The following MIOS variants were observed in gnomAD, a reference collection of about 807,000 sequenced individuals.
The protein encoded by MIOS is GATOR2 complex protein MIOS.
Under a neutral mutation model 96.9 loss-of-function variants are expected in MIOS, and 52 were observed. The observed-to-expected ratio is 0.54, with a 90% CI of 0.43 to 0.68. MIOS has a LOEUF of 0.68. Among genes scored for constraint, MIOS ranks in the 30% least tolerant of loss-of-function variants. The pLI, the probability that MIOS is intolerant of heterozygous loss-of-function variation, is 0.00. For missense variants in MIOS, 1,005 were observed against 1,052.8 expected, an observed-to-expected ratio of 0.95 and a Z score of 0.63; for synonymous variants, 397 against 359.5, an observed-to-expected ratio of 1.10 and a Z score of -1.18.
chr7:7,587,240 G>A (rs992778169), intron 7 of MIOS, among the ~76,000 whole-genome samples: 10 of 151,964 alleles, frequency 6.6e-5, no homozygotes, highest in Admixed American at 6.6e-4. Flanking sequence ...TTCTGGTCTC[G>A]AACTCCTGAT....
chr7:7,576,309 C>T (rs1783531689), intron 5 of MIOS, among the ~76,000 whole-genome samples: 1 of 152,140 alleles, frequency 6.6e-6, no homozygotes, highest in African/African-American at 2.4e-5. Context: ...AAATCTCTTC[C>T]CTCATGGAGA....
intron 11 of MIOS, among the ~76,000 whole-genome samples, chr7:7,597,487 TATATATATATA>T (rs1784242388): frequency 1.9e-5 from 1 of 53,982 alleles, no homozygotes; most frequent in Admixed American, 2.1e-4. Flanking sequence ...TATATATATA[TATATATATATA>T]TATATATATA....
intron 9 of MIOS, among the ~76,000 whole-genome samples, chr7:7,591,162 G>T (rs1335053483): frequency 6.6e-6 from 1 of 151,918 alleles, no homozygotes; most frequent in Non-Finnish European, 1.5e-5. Context: ...AACTGAAAAT[G>T]TCTATTTCAC....
At position 7,587,694 on chromosome 7, in the gene MIOS, CTT is replaced by C. The variant is rs1484823729; in HGVS notation, c.1819-802_1819-801del. Reference sequence around the variant, plus strand: ...TCTAGTTATATGAAATATGTTCTCTCTTTAGGGCAAAACCATATTTTATCATA... The same window carrying C: ...TCTAGTTATATGAAATATGTTCTCTCTAGGGCAAAACCATATTTTATCATA... On this transcript the variant is annotated intron_variant, in intron 7 of 12. Transcript: ENST00000340080. Among the ~76,000 whole-genome samples the C allele has an allele frequency of 2.0e-5, 3 of 152,090 alleles. No homozygotes were observed. The East Asian group carries it at 5.8e-4, about 29-fold the overall frequency.
At chr7:7,577,403 T>C (rs746674457) in intron 5 of MIOS, among the ~76,000 whole-genome samples, 9 of 152,202 alleles carry the variant, frequency 5.9e-5, no homozygotes, top group Non-Finnish European at 8.8e-5. Flanking sequence ...AGTAATCAAT[T>C]ATAAATACTT....
intron 5 of MIOS, among the ~76,000 whole-genome samples, chr7:7,574,822 A>T (rs111544452): frequency 6.6e-6 from 1 of 151,770 alleles, no homozygotes; most frequent in African/African-American, 2.4e-5. Flanking sequence ...AGTTGTTCCT[A>T]TTCTTTTACT....
chr7:7,585,485 C>T, intron 6 of MIOS, 151 bp from the exon 7 acceptor site: 1 of 423,022 alleles, frequency 2.4e-6, no homozygotes. Flanking sequence ...AATGGCTACT[C>T]CATAGGCAGA....
chr7:7,606,946 T>G, intron 12 of MIOS, 50 bp from the exon 13 acceptor site: 1 of 1,291,274 alleles, frequency 7.7e-7, no homozygotes, highest in Non-Finnish European at 1.1e-6. Flanking sequence ...TAAATAAATG[T>G]ATGTCTGTCT....
intron 5 of MIOS, among the ~76,000 whole-genome samples, chr7:7,575,500 G>A (rs1270915889): frequency 6.6e-6 from 1 of 151,942 alleles, no homozygotes; most frequent in Admixed American, 6.6e-5. Flanking sequence ...TAGGTAAAAG[G>A]GCACACATAC....
intron 11 of MIOS, among the ~76,000 whole-genome samples, chr7:7,600,033 G>C (rs996760660): frequency 1.3e-5 from 2 of 152,024 alleles, no homozygotes; most frequent in Non-Finnish European, 2.9e-5. Flanking sequence ...GTGCTAGGTG[G>C]GAGGAGGATC....
At chr7:7,599,769 T>C (rs1283886246) in intron 11 of MIOS, among the ~76,000 whole-genome samples, 1 of 152,160 alleles carries the variant, frequency 6.6e-6, no homozygotes, top group African/African-American at 2.4e-5. Flanking sequence ...AATCACTCTT[T>C]ATAATAGCAA....
intron 5 of MIOS, among the ~76,000 whole-genome samples, chr7:7,574,725 A>G (rs1168859529): frequency 6.6e-6 from 1 of 152,096 alleles, no homozygotes; most frequent in Non-Finnish European, 1.5e-5. Flanking sequence ...GTGTGAGTTA[A>G]TGTAGGATTG....
At chr7:7,606,856 C>T (rs1054614880) in intron 12 of MIOS, 140 bp from the exon 13 acceptor site, 2 of 625,376 alleles carry the variant, frequency 3.2e-6, no homozygotes, top group East Asian at 3.1e-5. Context: ...GAGGCTGAGG[C>T]AGGAGGATCA....
intron 5 of MIOS, chr7:7,582,874 C>A (rs1315651958): frequency 1.2e-5 from 5 of 409,056 alleles, no homozygotes; most frequent in Non-Finnish European, 1.6e-5. Context: ...CAGGCAGTAA[C>A]TCAGTTTAGT....
intron 11 of MIOS, among the ~76,000 whole-genome samples, chr7:7,604,305 A>G (rs1050832733): frequency 6.6e-6 from 1 of 152,150 alleles, no homozygotes. Flanking sequence ...GCATCCATCC[A>G]TCATGCTTTG....
At chr7:7,600,102 C>G (rs1398656799) in intron 11 of MIOS, among the ~76,000 whole-genome samples, 1 of 151,930 alleles carries the variant, frequency 6.6e-6, no homozygotes, top group Non-Finnish European at 1.5e-5. Context: ...ATCCGTACAC[C>G]AAAACCCCCA....
At chr7:7,587,137 A>C (rs946744589) in intron 7 of MIOS, among the ~76,000 whole-genome samples, 1 of 151,940 alleles carries the variant, frequency 6.6e-6, no homozygotes, top group Non-Finnish European at 1.5e-5. Context: ...CAGCCTCCCA[A>C]GTAGCTGAGA....
chr7:7,609,056 C>G (rs1024354749), downstream of MIOS: 15 of 151,980 alleles, frequency 9.9e-5, no homozygotes, highest in African/African-American at 3.1e-4. Flanking sequence ...GATACTTTAC[C>G]TAAACATGAT....
Position 7,607,202 on chromosome 7 carries a change from G to A in MIOS, c.*110G>A, listed in dbSNP as rs898599941. ...GCCATTCATGACTTACCTGTAATGGGAAAATAAATCATTCTATCAGATCAG... is the reference window on the plus strand; with the variant it reads ...GCCATTCATGACTTACCTGTAATGGAAAAATAAATCATTCTATCAGATCAG... On this transcript the variant is annotated 3_prime_UTR_variant, in exon 13 of 13. Transcript: ENST00000340080. 1.3e-4 allele frequency: 91 copies of A among 724,156 alleles called. 1 individual carries two copies. The East Asian group carries it at 2.4e-3, about 19-fold the overall frequency. 44.9% of individuals were successfully genotyped at this position (724,156 alleles called of 1,614,324 possible).
Sources: gnomAD v4.1 joint callset for allele counts (sites outside exome capture counted in the v4.1 genomes callset) on GRCh38, gnomAD v4.1.1 for gene constraint, MANE v1.5 for transcripts, NCBI Gene and HGNC (gene_info 2026-07-23, HGNC 2026-07-21) for gene names.